The following DGKB variants were observed in gnomAD, a reference collection of about 807,000 sequenced individuals.
DGKB encodes the protein 90 kDa diacylglycerol kinase.
DGKB carries 67 observed loss-of-function variants against 114.3 expected under a neutral mutation model. The observed-to-expected ratio is 0.59, with a 90% confidence interval of 0.48 to 0.72. The LOEUF is 0.72. Ranked by LOEUF, DGKB falls within the 30% of genes least tolerant of loss-of-function variation. The pLI, the probability that DGKB is intolerant of heterozygous loss-of-function variation, is 0.00. For missense variants in DGKB, 907 were observed against 975.2 expected, an observed-to-expected ratio of 0.93 and a Z score of 0.93; for synonymous variants, 398 against 323.1, an observed-to-expected ratio of 1.23 and a Z score of -2.49.
chr7:14,956,798 G>A (rs903923376), intron 1 of DGKB, among the ~76,000 whole-genome samples: 5 of 151,920 alleles, frequency 3.3e-5, no homozygotes, highest in African/African-American at 7.2e-5. Context: ...GCATTAAGGT[G>A]AATTTTTGTT....
At chr7:14,860,514 A>C (rs1372945993) in intron 1 of DGKB, among the ~76,000 whole-genome samples, 1 of 152,002 alleles carries the variant, frequency 6.6e-6, no homozygotes, top group East Asian at 1.9e-4. Context: ...AGAGGATTTT[A>C]AAAATGGTAT....
At chr7:14,768,035 A>C (rs1836730074) in intron 2 of DGKB, among the ~76,000 whole-genome samples, 2 of 151,984 alleles carry the variant, frequency 1.3e-5, no homozygotes, top group African/African-American at 4.8e-5. Flanking sequence ...TTACCAACAA[A>C]CACAATATTA....
intron 5 of DGKB, among the ~76,000 whole-genome samples, chr7:14,720,490 TG>T (rs1828980457): frequency 2.0e-5 from 3 of 146,398 alleles, no homozygotes; most frequent in Non-Finnish European, 1.5e-5. Flanking sequence ...TGTGTGTGTG[TG>T]TGTGTGTGTG....
intron 23 of DGKB, among the ~76,000 whole-genome samples, chr7:14,337,190 T>A (rs1810835518): frequency 6.6e-6 from 1 of 152,092 alleles, no homozygotes; most frequent in Non-Finnish European, 1.5e-5. Context: ...AATACAAATA[T>A]AAATTAATTT....
In DGKB at chr7:14,347,999, T is replaced by C. The variant is rs538689344; in HGVS notation, c.1836-2608A>G. Among the ~76,000 whole-genome samples the C allele has an allele frequency of 5.1e-3, 769 of 151,740 alleles. 2 individuals carry two copies. Among genetic ancestry groups the C allele is most frequent in the Non-Finnish European group, 7.9e-3 (538 of 67,920 alleles). On this transcript the variant is annotated intron_variant, in intron 21 of 25. Transcript: ENST00000402815. ...AGTTGTAAAAAGTAACACAGAGGAG[T>C]CCAATGTGCCCATTACAGTTTCCCC...
chr7:14,836,486 T>C (rs1266343272), intron 2 of DGKB, among the ~76,000 whole-genome samples: 8 of 152,204 alleles, frequency 5.3e-5, no homozygotes, highest in Non-Finnish European at 1.2e-4. Flanking sequence ...AGATTTCACA[T>C]AGAAAATATT....
At chr7:14,866,560 A>C (rs896258814) in intron 1 of DGKB, among the ~76,000 whole-genome samples, 1 of 152,170 alleles carries the variant, frequency 6.6e-6, no homozygotes, top group African/African-American at 2.4e-5. Context: ...TCATGGCTTG[A>C]TAGCTAATTT....
intron 25 of DGKB, among the ~76,000 whole-genome samples, chr7:14,175,707 AT>A (rs572543304): frequency 1.3e-5 from 2 of 152,022 alleles, no homozygotes; most frequent in Admixed American, 6.6e-5. Flanking sequence ...TTTACCGTCA[AT>A]TTTTTTTCTA....
At chr7:14,152,985 C>T (rs939423801) in intron 25 of DGKB, among the ~76,000 whole-genome samples, 1 of 152,014 alleles carries the variant, frequency 6.6e-6, no homozygotes, top group African/African-American at 2.4e-5. Context: ...AACATATTAT[C>T]AGAGAAGAGT....
intron 2 of DGKB, 124 bp downstream of exon 2, chr7:14,841,070 C>T: frequency 1.2e-6 from 1 of 804,044 alleles, no homozygotes; most frequent in Non-Finnish European, 1.9e-6. Flanking sequence ...GACTTGTAAA[C>T]ACAAAAGGCA....
intron 16 of DGKB, among the ~76,000 whole-genome samples, chr7:14,612,617 T>C (rs766709044): frequency 3.3e-5 from 5 of 152,230 alleles, no homozygotes; most frequent in Non-Finnish European, 5.9e-5. Flanking sequence ...TATACTGTTA[T>C]CATGTTTGTT....
chr7:14,398,549 T>C (rs532126330), intron 21 of DGKB, among the ~76,000 whole-genome samples: 6 of 152,136 alleles, frequency 3.9e-5, no homozygotes, highest in African/African-American at 1.2e-4. Context: ...CTGGGATGTG[T>C]GAAGGCAAAA....
intron 5 of DGKB, among the ~76,000 whole-genome samples, chr7:14,730,078 A>C (rs1037833878): frequency 1.1e-4 from 17 of 152,226 alleles, no homozygotes; most frequent in African/African-American, 4.1e-4. Context: ...AACATTTTGG[A>C]CATTGTGTAG....
intron 1 of DGKB, among the ~76,000 whole-genome samples, chr7:14,943,776 G>T (rs564698075): frequency 1.6e-4 from 25 of 151,892 alleles, no homozygotes; most frequent in Admixed American, 1.5e-3. Flanking sequence ...TAACATATTA[G>T]TTATATTAAA....
intron 19 of DGKB, among the ~76,000 whole-genome samples, chr7:14,575,791 G>C (rs1799036725): frequency 6.6e-6 from 1 of 152,048 alleles, no homozygotes; most frequent in African/African-American, 2.4e-5. Flanking sequence ...TTATTTAATT[G>C]TTGAACAAGG....
chr7:14,501,401 A>T (rs1584418674), intron 20 of DGKB, among the ~76,000 whole-genome samples: 1 of 151,960 alleles, frequency 6.6e-6, no homozygotes, highest in Non-Finnish European at 1.5e-5. Flanking sequence ...TTAATACATA[A>T]GAAACATACA....
rs1004088022 is a variant in DGKB at position 14,592,643 on chromosome 7, T to C, written c.1434-9506A>G. Among the ~76,000 whole-genome samples the C allele has an allele frequency of 6.6e-5, 10 of 151,956 alleles. No homozygotes were observed. In the South Asian group the frequency reaches 8.3e-4, roughly 13 times the overall value. On this transcript the variant is annotated intron_variant, in intron 17 of 25. Coordinates refer to ENST00000402815, the MANE Select transcript of DGKB (RefSeq NM_001350709.2). ...TGTATCTGTACATACCTTGGTATCA[T>C]TGATATTATTATTATTGCTGGTGTA...
At chr7:14,925,366 G>A (rs373738122) in intron 1 of DGKB, among the ~76,000 whole-genome samples, 5 of 152,078 alleles carry the variant, frequency 3.3e-5, no homozygotes, top group African/African-American at 7.2e-5. Context: ...TGTATTTTGC[G>A]CATATTTTTA....
At chr7:14,513,405 G>C (rs1395511064) in intron 20 of DGKB, among the ~76,000 whole-genome samples, 1 of 151,748 alleles carries the variant, frequency 6.6e-6, no homozygotes, top group African/African-American at 2.4e-5. Flanking sequence ...TGTGTATTTT[G>C]CACTTTCTCA....
Sources: allele counts gnomAD v4.1 joint callset (sites outside exome capture counted in the v4.1 genomes callset), GRCh38; gene constraint gnomAD v4.1.1; transcripts MANE v1.5; gene names NCBI Gene and HGNC (gene_info 2026-07-23, HGNC 2026-07-21).